Variants in ALG9 observed in about 807,000 individuals in gnomAD.
ALG9 encodes ALG9 alpha-1,2-mannosyltransferase, also known as alpha-1,2-mannosyltransferase ALG9.
ALG9 carries 55 observed loss-of-function variants against 81.8 expected under a neutral mutation model. The observed-to-expected ratio is 0.67, with a 90% confidence interval of 0.54 to 0.84. The LOEUF (loss-of-function observed/expected upper bound fraction) is 0.84. ALG9 is among the 40% of genes least tolerant of loss of function. The probability of loss-of-function intolerance (pLI) is 0.00; values close to 1 mark genes in which losing one functional copy is unlikely to be tolerated. For missense variants in ALG9, 629 were observed against 745.0 expected, an observed-to-expected ratio of 0.84 and a Z score of 1.81; for synonymous variants, 278 against 274.3, an observed-to-expected ratio of 1.01 and a Z score of -0.13.
downstream of ALG9, chr11:111,782,124 C>T (rs754990319): frequency 6.6e-6 from 1 of 152,168 alleles, no homozygotes; most frequent in Non-Finnish European, 1.5e-5. Flanking sequence ...AGGACTTGAG[C>T]TCCTTCAGTT....
chr11:111,835,464 A>G (rs186742423), intron 13 of ALG9, among the ~76,000 whole-genome samples: 1 of 152,302 alleles, frequency 6.6e-6, no homozygotes, highest in East Asian at 1.9e-4. Context: ...TTCAGTATGG[A>G]AACAGTCTTT....
chr11:111,769,818 C>T, the ALG9 span, among the ~76,000 whole-genome samples: 3 of 152,120 alleles, frequency 2.0e-5, no homozygotes, highest in African/African-American at 7.2e-5. Context: ...GTACAATGAA[C>T]TGGCGATTCA....
intron 8 of ALG9, among the ~76,000 whole-genome samples, chr11:111,852,704 G>A (rs970720752): frequency 9.2e-5 from 14 of 152,304 alleles, no homozygotes; most frequent in Middle Eastern, 3.4e-3. Context: ...GGGAGGCCAA[G>A]GCGGGTGGAT....
intron 6 of ALG9, among the ~76,000 whole-genome samples, chr11:111,856,502 T>C (rs1166149184): frequency 6.6e-6 from 1 of 151,858 alleles, no homozygotes. Flanking sequence ...CAAATATTTA[T>C]ACACACAGCA....
chr11:111,868,976 G>T (rs941911197), intron 2 of ALG9, among the ~76,000 whole-genome samples: 58 of 151,608 alleles, frequency 3.8e-4, no homozygotes, highest in Non-Finnish European at 2.2e-4. Context: ...AAAAAAAGTA[G>T]CATGGTATGG....
chr11:111,835,738 C>T (rs986585096), intron 13 of ALG9, among the ~76,000 whole-genome samples: 35 of 152,094 alleles, frequency 2.3e-4, no homozygotes, highest in Non-Finnish European at 1.6e-4. Flanking sequence ...CTGTTATACC[C>T]CTCATCCTAA....
At chr11:111,789,002 ACTTT>A (rs1452701001) in intron 14 of ALG9, among the ~76,000 whole-genome samples, 1 of 143,670 alleles carries the variant, frequency 7.0e-6, no homozygotes, top group Non-Finnish European at 1.5e-5. Flanking sequence ...TTAGTTTTCA[ACTTT>A]CTTTTTTTTT....
intron 6 of ALG9, 94 bp from the exon 7 acceptor site, chr11:111,853,830 G>T: frequency 8.7e-7 from 1 of 1,151,550 alleles, no homozygotes; most frequent in Non-Finnish European, 1.3e-6. Flanking sequence ...AGAATAAAAT[G>T]CCTCTGCCAG....
intron 8 of ALG9, among the ~76,000 whole-genome samples, chr11:111,846,435 C>A (rs1956958956): frequency 6.6e-6 from 1 of 152,136 alleles, no homozygotes; most frequent in South Asian, 2.1e-4. Context: ...ACTTTAGCTT[C>A]CAGAAAATAT....
intron 6 of ALG9, among the ~76,000 whole-genome samples, chr11:111,856,625 CT>C (rs148667520): frequency 0.02 from 2,683 of 137,018 alleles, 41 homozygotes; most frequent in African/African-American, 0.043. Flanking sequence ...CTGGTACTTA[CT>C]TTTTTTTTTT....
In ALG9 at chr11:111,809,909, G is replaced by A. The variant is rs568469345; in HGVS notation, c.1603-136C>T. ...CAAGTCTTCAGACAATGTTGCCTATGCTCTCTCCACTCAGATAAGAGTATT... is the reference window on the plus strand; with the variant it reads ...CAAGTCTTCAGACAATGTTGCCTATACTCTCTCCACTCAGATAAGAGTATT... On this transcript the variant is annotated intron_variant, in intron 13 of 14. Coordinates refer to ENST00000616540, the MANE Select transcript of ALG9 (RefSeq NM_024740.2). 400 of 979,266 alleles carry A rather than the reference G, an allele frequency of 4.1e-4. No individual in the cohort carries two copies. The African/African-American group carries it at 5.7e-3, about 14-fold the overall frequency. The allele number at this position is 979,266 out of a possible 1,614,324, so 60.7% of individuals were successfully genotyped here.
At chr11:111,834,579 A>G (rs1023466040) in intron 13 of ALG9, among the ~76,000 whole-genome samples, 2 of 152,230 alleles carry the variant, frequency 1.3e-5, no homozygotes, top group Non-Finnish European at 2.9e-5. Flanking sequence ...AATTTGCCCA[A>G]GGTTATCAAG....
At position 111,853,742 on chromosome 11, in the gene ALG9, T is replaced by C; in HGVS notation, c.702-6A>G. ...AATCAAAGGCAATGGGTAAACTATTTAACAGAGAAACAGAGCGGGGAGTTA... is the reference window on the plus strand; with the variant it reads ...AATCAAAGGCAATGGGTAAACTATTCAACAGAGAAACAGAGCGGGGAGTTA... On this transcript the variant is annotated splice_region_variant and splice_polypyrimidine_tract_variant and intron_variant, in intron 6 of 14. Coordinates refer to ENST00000616540, the MANE Select transcript of ALG9 (RefSeq NM_024740.2). 1 of 1,611,670 alleles carries C rather than the reference T, an allele frequency of 6.2e-7. No individual in the cohort carries two copies. Among genetic ancestry groups the C allele is most frequent in the Non-Finnish European group, 8.5e-7 (1 of 1,177,794 alleles).
intron 14 of ALG9, among the ~76,000 whole-genome samples, chr11:111,793,591 C>G (rs1947780810): frequency 6.6e-6 from 1 of 151,944 alleles, no homozygotes; most frequent in Non-Finnish European, 1.5e-5. Flanking sequence ...GAAACCCCTT[C>G]TCTACTAAAA....
intron 13 of ALG9, among the ~76,000 whole-genome samples, chr11:111,827,285 T>C (rs868961380): frequency 9.2e-5 from 14 of 152,114 alleles, no homozygotes; most frequent in Non-Finnish European, 2.1e-4. Context: ...GAGACCAGCA[T>C]GACCAACATG....
At position 111,871,450 on chromosome 11, in the gene ALG9, C is replaced by CT; in HGVS notation, c.32dup (p.Ser13GlnfsTer45). Reference sequence around the variant, plus strand: ...TATCCCCACTGCTGGCCCCGCTGCCCTTCAGGCGCTGCCGAGCCCCTCGAC... The same window carrying CT: ...TATCCCCACTGCTGGCCCCGCTGCCCTTTCAGGCGCTGCCGAGCCCCTCGAC... On this transcript the variant is annotated frameshift_variant, in exon 1 of 15. Coordinates refer to ENST00000616540, the MANE Select transcript of ALG9 (RefSeq NM_024740.2). LOFTEE classifies it high-confidence loss of function. 1 of 1,536,698 alleles carries CT rather than the reference C, an allele frequency of 6.5e-7. No homozygotes were observed. The highest frequency in any genetic ancestry group is 8.7e-7 in the Non-Finnish European group (1 of 1,146,710).
intron 4 of ALG9, chr11:111,864,400 G>A (rs1961553746): frequency 1.3e-6 from 1 of 764,772 alleles, no homozygotes; most frequent in Non-Finnish European, 2.5e-6. Flanking sequence ...ACCCTCTGCT[G>A]ACTAGAGTAT....
downstream of ALG9, among the ~76,000 whole-genome samples, chr11:111,781,620 G>C (rs1278784522): frequency 6.6e-6 from 1 of 151,896 alleles, no homozygotes; most frequent in Non-Finnish European, 1.5e-5. Context: ...TTCATGTATT[G>C]AGTAATTCCT....
In ALG9 at chr11:111,844,701, A is replaced by C; in HGVS notation, c.918T>G (p.Tyr306Ter). 1 of 1,614,030 alleles carries C rather than the reference A, an allele frequency of 6.2e-7. No individual in the cohort carries two copies. Among genetic ancestry groups the C allele is most frequent in the Non-Finnish European group, 8.5e-7 (1 of 1,179,920 alleles). ...DLYGTEPWYF[Y>*]LINGFLNFNV... ...TGAAATTCAGAAATCCATTAATTAA[A>C]TAGAAATACCAGGGTTCTGTACCTG... Residue 306 changes from tyrosine (Y) to a stop codon, truncating the protein, a stop_gained, in exon 9 of 15, where the codon TAT (tyrosine) becomes TAG (stop). Coordinates refer to ENST00000616540, the MANE Select transcript of ALG9 (RefSeq NM_024740.2). LOFTEE classifies it high-confidence loss of function.
Sources: gnomAD v4.1 joint callset for allele counts (sites outside exome capture counted in the v4.1 genomes callset) on GRCh38, gnomAD v4.1.1 for gene constraint, MANE v1.5 for transcripts, NCBI Gene and HGNC (gene_info 2026-07-23, HGNC 2026-07-21) for gene names.